Variants in ELMOD1 observed in about 807,000 individuals in gnomAD.
ELMOD1 encodes the protein ELMO domain-containing protein 1.
ELMOD1 carries 21 observed loss-of-function variants against 46.7 expected under a neutral mutation model. The observed-to-expected ratio is 0.45, with a 90% CI of 0.32 to 0.65. The LOEUF (loss-of-function observed/expected upper bound fraction) is 0.65. Ranked by LOEUF, ELMOD1 falls within the 30% of genes least tolerant of loss-of-function variation. The pLI, the probability that ELMOD1 is intolerant of heterozygous loss-of-function variation, is 0.04. For missense variants in ELMOD1, 348 were observed against 407.8 expected (o/e 0.85, Z 1.26); for synonymous variants, 122 against 138.2 (o/e 0.88, Z 0.82).
At chr11:107,653,675 T>A (rs929554963) in intron 9 of ELMOD1, 12 of 151,770 alleles carry the variant, frequency 7.9e-5, no homozygotes, top group African/African-American at 2.7e-4. Flanking sequence ...TTCTTTTCTT[T>A]CTTTTACTAA....
chr11:107,662,168 GTCTC>G lies in ELMOD1; in HGVS notation c.833-2847_833-2844del, dbSNP rs1031997557. Among the ~76,000 whole-genome samples the G allele has an allele frequency of 3.3e-5, 5 of 151,990 alleles. No homozygotes were observed. In the South Asian group the frequency reaches 1.0e-3, roughly 32 times the overall value. Reference sequence around the variant, plus strand: ...TGTTTGTTTGTTTTTTAGAGACAGAGTCTCTCTCTCTCTTGCTCAGGCTGGAGTG... The same window carrying G: ...TGTTTGTTTGTTTTTTAGAGACAGAGTCTCTCTCTTGCTCAGGCTGGAGTG... On this transcript the variant is annotated intron_variant, in intron 11 of 11. Coordinates refer to ENST00000265840, the MANE Select transcript of ELMOD1 (RefSeq NM_018712.4).
At chr11:107,618,390 G>A (rs7131622) in intron 2 of ELMOD1, among the ~76,000 whole-genome samples, 184 bp downstream of exon 2, 2,621 of 152,222 alleles carry the variant, frequency 0.017, 73 homozygotes, top group African/African-American at 0.06. Context: ...CTCTATATGC[G>A]TGCTGATGAT....
At chr11:107,615,426 G>C (rs1354633115) in intron 1 of ELMOD1, among the ~76,000 whole-genome samples, 1 of 151,614 alleles carries the variant, frequency 6.6e-6, no homozygotes. Context: ...GTAGAGACGG[G>C]GTTTCACCAT....
At chr11:107,643,139 C>G (rs1038204475) in intron 6 of ELMOD1, 2 of 180,574 alleles carry the variant, frequency 1.1e-5, no homozygotes, top group African/African-American at 4.8e-5. Flanking sequence ...GTCAGGAGTT[C>G]GAGACCAGCC....
chr11:107,612,326 A>G (rs553192008), intron 1 of ELMOD1, among the ~76,000 whole-genome samples: 2 of 152,304 alleles, frequency 1.3e-5, no homozygotes, highest in Admixed American at 1.3e-4. Context: ...GGACATAAAG[A>G]TGGCAACAAT....
At chr11:107,627,287 C>T (rs1866060206) in intron 2 of ELMOD1, among the ~76,000 whole-genome samples, 2 of 152,068 alleles carry the variant, frequency 1.3e-5, no homozygotes, top group Admixed American at 6.5e-5. Flanking sequence ...GAACAAGCAG[C>T]GTATAGATAC....
At chr11:107,620,639 G>A (rs375741029) in intron 2 of ELMOD1, among the ~76,000 whole-genome samples, 5 of 152,272 alleles carry the variant, frequency 3.3e-5, no homozygotes, top group South Asian at 4.1e-4. Context: ...AGGCCTAGGC[G>A]GGCAGATCAC....
chr11:107,603,826 C>A (rs756359472), intron 1 of ELMOD1, among the ~76,000 whole-genome samples: 6 of 151,406 alleles, frequency 4.0e-5, no homozygotes, highest in Non-Finnish European at 7.4e-5. Context: ...TGCAGTGAAC[C>A]AAGATTGCAC....
At chr11:107,598,882 T>C (rs1366350762) in intron 1 of ELMOD1, among the ~76,000 whole-genome samples, 2 of 152,228 alleles carry the variant, frequency 1.3e-5, no homozygotes, top group Non-Finnish European at 2.9e-5. Context: ...CAAATTCCAT[T>C]TCTGCTTAAG....
intron 2 of ELMOD1, chr11:107,625,369 A>G: frequency 1.0e-6 from 1 of 967,910 alleles, no homozygotes; most frequent in South Asian, 4.8e-5. Flanking sequence ...TCTTTCATCA[A>G]CAATAGTGTA....
chr11:107,649,233 T>C (rs563889716), intron 7 of ELMOD1, among the ~76,000 whole-genome samples: 1 of 152,268 alleles, frequency 6.6e-6, no homozygotes, highest in South Asian at 2.1e-4. Context: ...CTCACCTCAG[T>C]TCACAAGTTG....
intron 11 of ELMOD1, among the ~76,000 whole-genome samples, chr11:107,662,875 A>T (rs1483979136): frequency 6.6e-6 from 1 of 151,972 alleles, no homozygotes; most frequent in East Asian, 2.0e-4. Context: ...TGGGCAACAG[A>T]GCGAGACCCT....
At chr11:107,611,060 G>C (rs1865773130) in intron 1 of ELMOD1, among the ~76,000 whole-genome samples, 1 of 140,366 alleles carries the variant, frequency 7.1e-6, no homozygotes, top group Non-Finnish European at 1.5e-5. Context: ...CCTTGGGAAA[G>C]AATTTATGAC....
chr11:107,648,282 C>T (rs1418369803), intron 7 of ELMOD1, among the ~76,000 whole-genome samples: 1 of 152,228 alleles, frequency 6.6e-6, no homozygotes, highest in Non-Finnish European at 1.5e-5. Context: ...GCCCCCTCCT[C>T]CATGTCATTA....
At chr11:107,642,169 C>G (rs185687304) in intron 6 of ELMOD1, among the ~76,000 whole-genome samples, 290 of 152,046 alleles carry the variant, frequency 1.9e-3, no homozygotes, top group African/African-American at 6.6e-3. Flanking sequence ...ATCTTGAACT[C>G]CTGACCTCAT....
chr11:107,653,780 A>G (rs1009457608), intron 9 of ELMOD1: 2 of 152,150 alleles, frequency 1.3e-5, no homozygotes, highest in African/African-American at 2.4e-5. Context: ...ATATTATTAT[A>G]GTATGGTGAA....
chr11:107,605,325 T>TA (rs1015689328), intron 1 of ELMOD1, among the ~76,000 whole-genome samples: 13 of 151,302 alleles, frequency 8.6e-5, no homozygotes, highest in African/African-American at 3.2e-4. Flanking sequence ...TCAGCCTCCC[T>TA]AGTAGCTGGG....
chr11:107,629,131 C>G (rs1272130210), intron 2 of ELMOD1, among the ~76,000 whole-genome samples: 1 of 152,062 alleles, frequency 6.6e-6, no homozygotes, highest in Non-Finnish European at 1.5e-5. Context: ...GATATAAACT[C>G]CATGCCTTTG....
intron 1 of ELMOD1, among the ~76,000 whole-genome samples, chr11:107,596,455 T>G (rs1865494237): frequency 6.6e-6 from 1 of 152,118 alleles, no homozygotes; most frequent in African/African-American, 2.4e-5. Context: ...ATTCCGCTCT[T>G]CAGAATTTGG....
Sources: gnomAD v4.1 joint callset for allele counts (sites outside exome capture counted in the v4.1 genomes callset) on GRCh38, gnomAD v4.1.1 for gene constraint, MANE v1.5 for transcripts, NCBI Gene and HGNC (gene_info 2026-07-23, HGNC 2026-07-21) for gene names.